DNAJB6: variants seen among roughly 807,000 people sequenced by gnomAD.
DNAJB6 encodes DnaJ heat shock protein family (Hsp40) member B6, also known as dnaJ homolog subfamily B member 6.
A neutral mutation model predicts 42.7 loss-of-function variants in DNAJB6; 16 were observed. That is an observed-to-expected ratio of 0.37 (90% confidence interval 0.25 to 0.57). The LOEUF is 0.57. DNAJB6 is among the 20% of genes least tolerant of loss of function. The probability of loss-of-function intolerance (pLI) is 0.74; values close to 1 mark genes in which losing one functional copy is unlikely to be tolerated. For missense variants in DNAJB6, 347 were observed against 416.8 expected, an observed-to-expected ratio of 0.83 and a Z score of 1.46; for synonymous variants, 170 against 163.5, an observed-to-expected ratio of 1.04 and a Z score of -0.30.
chr7:157,402,071 G>A (rs1048796903), intron 8 of DNAJB6, among the ~76,000 whole-genome samples: 1 of 152,238 alleles, frequency 6.6e-6, no homozygotes, highest in Non-Finnish European at 1.5e-5. Context: ...CTGCTGTTGT[G>A]TTGAGAGTGG....
At chr7:157,406,781 T>A (rs1356626844) in intron 8 of DNAJB6, among the ~76,000 whole-genome samples, 1 of 152,246 alleles carries the variant, frequency 6.6e-6, no homozygotes, top group Non-Finnish European at 1.5e-5. Context: ...CAGGGAGCTT[T>A]GGACGCTGCA....
At chr7:157,344,494 CAGAGTG>C (rs1369452481) in intron 1 of DNAJB6, among the ~76,000 whole-genome samples, 1 of 149,066 alleles carries the variant, frequency 6.7e-6, no homozygotes, top group Non-Finnish European at 1.5e-5. Context: ...GCCTGGGCAA[CAGAGTG>C]AGACTCAAAC....
chr7:157,349,211 C>G (rs192486917), intron 1 of DNAJB6, among the ~76,000 whole-genome samples: 2 of 152,198 alleles, frequency 1.3e-5, no homozygotes, highest in Admixed American at 1.3e-4. Context: ...TGCCTGTCTT[C>G]CACTAAACTT....
At chr7:157,343,606 G>A (rs1798530954) in intron 1 of DNAJB6, among the ~76,000 whole-genome samples, 2 of 152,142 alleles carry the variant, frequency 1.3e-5, no homozygotes, top group South Asian at 2.1e-4. Flanking sequence ...GCGCCACCAC[G>A]TCTGACTGGG....
At chr7:157,364,480 A>G (rs1006824649) in intron 3 of DNAJB6, among the ~76,000 whole-genome samples, 4 of 152,156 alleles carry the variant, frequency 2.6e-5, no homozygotes, top group East Asian at 1.9e-4. Context: ...GGATCTTGCT[A>G]TGTTTCCTAG....
chr7:157,357,052 A>G (rs1384969919), intron 1 of DNAJB6, among the ~76,000 whole-genome samples: 1 of 150,518 alleles, frequency 6.6e-6, no homozygotes, highest in African/African-American at 2.5e-5. Context: ...CAGTCCCAGC[A>G]CTTTGGGAGG....
chr7:157,342,611 C>T (rs936597079), intron 1 of DNAJB6, among the ~76,000 whole-genome samples: 3 of 152,150 alleles, frequency 2.0e-5, no homozygotes, highest in Non-Finnish European at 4.4e-5. Context: ...CGTGAGCCAG[C>T]GTGCTGGCCT....
At chr7:157,412,285 G>C (rs1157037602) in intron 9 of DNAJB6, 1 of 152,170 alleles carries the variant, frequency 6.6e-6, no homozygotes, top group African/African-American at 2.4e-5. Flanking sequence ...CACCAACTCC[G>C]GTGTCAGGGT....
At chr7:157,405,970 C>A (rs1795753717) in intron 8 of DNAJB6, among the ~76,000 whole-genome samples, 1 of 152,260 alleles carries the variant, frequency 6.6e-6, no homozygotes, top group African/African-American at 2.4e-5. Flanking sequence ...GATGGCTTCG[C>A]CTGGCAGTGA....
At chr7:157,368,537 T>C (rs921701514) in intron 5 of DNAJB6, 1 of 152,360 alleles carries the variant, frequency 6.6e-6, no homozygotes, top group African/African-American at 2.4e-5. Flanking sequence ...AGCTGCTGTT[T>C]GATTGTAGGA....
chr7:157,374,110 A>G (rs960691094), intron 5 of DNAJB6, among the ~76,000 whole-genome samples: 7 of 152,204 alleles, frequency 4.6e-5, no homozygotes, highest in African/African-American at 1.2e-4. Flanking sequence ...GTGTAATTTC[A>G]CATGGTCGTG....
intron 8 of DNAJB6, among the ~76,000 whole-genome samples, chr7:157,404,203 A>G (rs1159897547): frequency 6.6e-6 from 1 of 151,784 alleles, no homozygotes; most frequent in Non-Finnish European, 1.5e-5. Context: ...TCTTGGGCCC[A>G]AGTGATCTTT....
chr7:157,414,426 C>T (rs959934199), intron 9 of DNAJB6: 2 of 152,290 alleles, frequency 1.3e-5, no homozygotes, highest in Non-Finnish European at 2.9e-5. Flanking sequence ...GGCTTCCTCC[C>T]GCTTCCTTTC....
chr7:157,409,090 T>C (rs1795875645), intron 8 of DNAJB6, among the ~76,000 whole-genome samples: 2 of 152,254 alleles, frequency 1.3e-5, no homozygotes, highest in Non-Finnish European at 2.9e-5. Context: ...CTGTGAATAT[T>C]GTTTTCTTGT....
intron 1 of DNAJB6, among the ~76,000 whole-genome samples, chr7:157,352,386 T>G (rs939050917): frequency 4.6e-5 from 7 of 151,782 alleles, no homozygotes; most frequent in Non-Finnish European, 8.8e-5. Flanking sequence ...AAGCTAGGAG[T>G]ATCTTCAGTA....
At chr7:157,346,335 A>AAAAAAAT (rs1798685861) in intron 1 of DNAJB6, among the ~76,000 whole-genome samples, 1 of 150,848 alleles carries the variant, frequency 6.6e-6, no homozygotes, top group Non-Finnish European at 1.5e-5. Flanking sequence ...AAAAAAAAAA[A>AAAAAAAT]AAGTTAAAGA....
chr7:157,397,561 C>T (rs978778005), intron 8 of DNAJB6, among the ~76,000 whole-genome samples: 10 of 152,240 alleles, frequency 6.6e-5, no homozygotes, highest in Non-Finnish European at 8.8e-5. Flanking sequence ...CCTCAGCCTT[C>T]GCCCGTGCTC....
At chr7:157,347,623 A>G (rs893116542) in intron 1 of DNAJB6, among the ~76,000 whole-genome samples, 2 of 152,230 alleles carry the variant, frequency 1.3e-5, no homozygotes, top group African/African-American at 4.8e-5. Flanking sequence ...ACGTACCTGT[A>G]AGAATGTGTG....
At chr7:157,398,004 T>A (rs185128715) in intron 8 of DNAJB6, among the ~76,000 whole-genome samples, 119 of 152,336 alleles carry the variant, frequency 7.8e-4, no homozygotes, top group African/African-American at 2.6e-3. Context: ...AGAGCGAGAC[T>A]CTTGTCTCAA....
Sources: allele counts gnomAD v4.1 joint callset (sites outside exome capture counted in the v4.1 genomes callset), GRCh38; gene constraint gnomAD v4.1.1; transcripts MANE v1.5; gene names NCBI Gene and HGNC (gene_info 2026-07-23, HGNC 2026-07-21).